Variants in MCEE observed in about 807,000 individuals in gnomAD.
The protein encoded by MCEE is methylmalonyl-CoA epimerase.
A neutral mutation model predicts 12.9 loss-of-function variants in MCEE; 6 were observed. The observed-to-expected ratio is 0.47, with a 90% CI of 0.26 to 0.92. MCEE has a LOEUF of 0.92. Ranked by LOEUF, MCEE falls within the 40% of genes least tolerant of loss-of-function variation. The probability of loss-of-function intolerance (pLI) is 0.16; values close to 1 mark genes in which losing one functional copy is unlikely to be tolerated. For missense variants in MCEE, 214 were observed against 212.1 expected (o/e 1.01, Z -0.05); for synonymous variants, 78 against 77.9 (o/e 1.00, Z -0.01).
At chr2:71,117,605 G>C (rs1382280312) in intron 2 of MCEE, 1 of 150,048 alleles carries the variant, frequency 6.7e-6, no homozygotes, top group Non-Finnish European at 1.5e-5. Flanking sequence ...ACATATAAAA[G>C]CACAAACAAG....
chr2:71,119,416 C>A (rs563852525), intron 2 of MCEE, among the ~76,000 whole-genome samples: 1 of 150,698 alleles, frequency 6.6e-6, no homozygotes, highest in South Asian at 2.1e-4. Flanking sequence ...TATGGGACCT[C>A]ATGTGGACTC....
At chr2:71,118,336 CG>C (rs1227127040) in intron 2 of MCEE, 1 of 150,648 alleles carries the variant, frequency 6.6e-6, no homozygotes, top group African/African-American at 2.5e-5. Context: ...CCCACAGTGT[CG>C]GTGCCCCTAC....
chr2:71,128,544 T>TC (rs397708315), intron 1 of MCEE, among the ~76,000 whole-genome samples: 7 of 151,836 alleles, frequency 4.6e-5, no homozygotes, highest in Admixed American at 2.6e-4. Context: ...TTTTTTTTTT[T>TC]CTGAGACGGA....
chr2:71,125,437 C>G (rs1673208080), intron 1 of MCEE, among the ~76,000 whole-genome samples: 1 of 151,466 alleles, frequency 6.6e-6, no homozygotes, highest in South Asian at 2.1e-4. Flanking sequence ...GAACTCCTGA[C>G]CTCAGGTGAT....
At chr2:71,114,238 G>A (rs964120329) in intron 2 of MCEE, among the ~76,000 whole-genome samples, 1 of 152,140 alleles carries the variant, frequency 6.6e-6, no homozygotes, top group African/African-American at 2.4e-5. Context: ...TGCATACAAG[G>A]CTTAATATCT....
chr2:71,111,159 T>C (rs1360470718), intron 2 of MCEE, among the ~76,000 whole-genome samples: 1 of 152,214 alleles, frequency 6.6e-6, no homozygotes, highest in Non-Finnish European at 1.5e-5. Flanking sequence ...CTTGTATTCC[T>C]GATATTTCTT....
At chr2:71,115,371 G>A (rs917222045) in intron 2 of MCEE, among the ~76,000 whole-genome samples, 1 of 152,190 alleles carries the variant, frequency 6.6e-6, no homozygotes, top group Non-Finnish European at 1.5e-5. Flanking sequence ...GTAACAGAGT[G>A]AGACCCTGTC....
At chr2:71,122,771 G>A (rs560569500) in intron 2 of MCEE, among the ~76,000 whole-genome samples, 82 of 152,280 alleles carry the variant, frequency 5.4e-4, no homozygotes, top group African/African-American at 1.9e-3. Flanking sequence ...CCATGTCGAG[G>A]CATAAGCCAC....
At position 71,124,529 on chromosome 2, in the gene MCEE, G is replaced by T. The variant is rs1190326850; in HGVS notation, c.55C>A (p.Leu19Ile). ...AANAVGLFSR[L>I]QAPIPTVRAS... ...CTTACTGTTGGAATGGGAGCTTGAA[G>T]TCTGGAAAAAAGCCCTGAAAAATTG... Residue 19 changes from leucine to isoleucine, a missense_variant, in exon 2 of 3, where the codon CTT becomes ATT. Transcript: ENST00000244217. 6.2e-7 allele frequency: 1 copy of T among 1,613,800 alleles called. No homozygotes were observed. Among genetic ancestry groups the T allele is most frequent in the South Asian group, 1.1e-5 (1 of 91,078 alleles).
At chr2:71,126,383 G>A (rs1477481795) in intron 1 of MCEE, among the ~76,000 whole-genome samples, 3 of 151,462 alleles carry the variant, frequency 2.0e-5, no homozygotes, top group African/African-American at 2.4e-5. Context: ...GCATGCCACC[G>A]CACCCGGCTA....
intron 2 of MCEE, among the ~76,000 whole-genome samples, chr2:71,111,164 T>G (rs1672878256): frequency 6.6e-6 from 1 of 152,190 alleles, no homozygotes; most frequent in Non-Finnish European, 1.5e-5. Context: ...ATTCCTGATA[T>G]TTCTTTTTTA....
intron 1 of MCEE, among the ~76,000 whole-genome samples, chr2:71,126,962 C>T (rs1432751050): frequency 6.6e-6 from 1 of 152,174 alleles, no homozygotes; most frequent in African/African-American, 2.4e-5. Flanking sequence ...ATTTCTCTGC[C>T]TCCCATTTCA....
intron 2 of MCEE, among the ~76,000 whole-genome samples, chr2:71,123,771 A>G (rs1673150876): frequency 6.6e-6 from 1 of 152,240 alleles, no homozygotes; most frequent in East Asian, 1.9e-4. Context: ...TGTAATAACG[A>G]AGAAGTTATT....
chr2:71,114,139 A>G (rs1367420342), intron 2 of MCEE, among the ~76,000 whole-genome samples: 1 of 152,204 alleles, frequency 6.6e-6, no homozygotes, highest in African/African-American at 2.4e-5. Flanking sequence ...TGCCACATGC[A>G]AGAGGAGCCT....
intron 1 of MCEE, chr2:71,129,781 T>A (rs1673328383): frequency 6.5e-6 from 2 of 307,240 alleles, no homozygotes; most frequent in South Asian, 6.4e-5. Flanking sequence ...GTTGTTGTTT[T>A]TACGGAACGT....
intron 1 of MCEE, among the ~76,000 whole-genome samples, chr2:71,125,590 A>G (rs1673213682): frequency 6.6e-6 from 1 of 152,104 alleles, no homozygotes; most frequent in East Asian, 1.9e-4. Flanking sequence ...TGATCCACCC[A>G]CCTCGGTCTC....
At chr2:71,110,878 G>C (rs1672872667) in intron 2 of MCEE, 1 of 152,004 alleles carries the variant, frequency 6.6e-6, no homozygotes, top group African/African-American at 2.4e-5. Context: ...GGATGAAAAG[G>C]TATGATATGA....
intron 2 of MCEE, among the ~76,000 whole-genome samples, chr2:71,115,811 T>C (rs936294132): frequency 1.8e-5 from 2 of 110,966 alleles, no homozygotes; most frequent in African/African-American, 7.6e-5. Context: ...CCGGGGCCTG[T>C]TGGGGGGTGG....
intron 1 of MCEE, among the ~76,000 whole-genome samples, 198 bp from the exon 2 acceptor site, chr2:71,124,741 G>A (rs1673182816): frequency 6.6e-6 from 1 of 151,980 alleles, no homozygotes; most frequent in South Asian, 2.1e-4. Context: ...TCAAATAACT[G>A]ACTGGAATAA....
Sources: gnomAD v4.1 joint callset for allele counts (sites outside exome capture counted in the v4.1 genomes callset) on GRCh38, gnomAD v4.1.1 for gene constraint, MANE v1.5 for transcripts, NCBI Gene and HGNC (gene_info 2026-07-23, HGNC 2026-07-21) for gene names.